The following GRM7 variants were observed in gnomAD, a reference collection of about 807,000 sequenced individuals.
The protein encoded by GRM7 is glutamate metabotropic receptor 7, also known as metabotropic glutamate receptor 7.
GRM7 carries 35 observed loss-of-function variants against 84.5 expected under a neutral mutation model. The observed-to-expected ratio is 0.41, with a 90% CI of 0.32 to 0.55. GRM7 has a LOEUF of 0.55. Ranked by LOEUF, GRM7 falls within the 20% of genes least tolerant of loss-of-function variation. GRM7 has a pLI of 0.19. For synonymous variants in GRM7, 487 were observed against 455.1 expected, an observed-to-expected ratio of 1.07 and a Z score of -0.89; for missense variants, 1,003 against 1,194.6, an observed-to-expected ratio of 0.84 and a Z score of 2.36.
chr3:7,425,270 A>T (rs1158920379), intron 5 of GRM7, among the ~76,000 whole-genome samples: 2 of 152,154 alleles, frequency 1.3e-5, no homozygotes, highest in Non-Finnish European at 2.9e-5. Context: ...TCCTTTCTTG[A>T]AATTAAAATA....
chr3:6,930,135 G>A (rs1697450597), intron 1 of GRM7, among the ~76,000 whole-genome samples: 1 of 152,196 alleles, frequency 6.6e-6, no homozygotes, highest in South Asian at 2.1e-4. Flanking sequence ...AATTGAACAA[G>A]TTCTTTATAT....
intron 8 of GRM7, among the ~76,000 whole-genome samples, chr3:7,600,052 C>G (rs986800601): frequency 6.6e-6 from 1 of 152,112 alleles, no homozygotes; most frequent in Non-Finnish European, 1.5e-5. Flanking sequence ...ACTAAACTGT[C>G]CAAAGATGTT....
chr3:6,926,615 A>G (rs1340990253), intron 1 of GRM7, among the ~76,000 whole-genome samples: 2 of 152,174 alleles, frequency 1.3e-5, no homozygotes, highest in African/African-American at 4.8e-5. Context: ...TGGAAACTGA[A>G]AGGCAGGTGT....
chr3:7,293,081 A>G (rs1699692965), intron 2 of GRM7, among the ~76,000 whole-genome samples: 1 of 152,084 alleles, frequency 6.6e-6, no homozygotes, highest in Non-Finnish European at 1.5e-5. Context: ...GTCTCAATAA[A>G]TATTTGCTAA....
intron 2 of GRM7, among the ~76,000 whole-genome samples, chr3:7,257,561 A>G (rs1698254669): frequency 6.6e-6 from 1 of 152,180 alleles, no homozygotes. Flanking sequence ...TAAGGGCAAA[A>G]CCATGAATAT....
At chr3:7,510,663 G>A (rs150414561) in intron 7 of GRM7, among the ~76,000 whole-genome samples, 1,615 of 152,218 alleles carry the variant, frequency 0.011, 11 homozygotes, top group Middle Eastern at 0.02. Flanking sequence ...TAGCTCTGAG[G>A]TCAGATCAAA....
At chr3:7,032,732 A>G (rs1203172256) in intron 1 of GRM7, among the ~76,000 whole-genome samples, 2 of 152,156 alleles carry the variant, frequency 1.3e-5, no homozygotes, top group Non-Finnish European at 2.9e-5. Context: ...ATTAATTTTT[A>G]CTCAGACCAT....
intron 9 of GRM7, among the ~76,000 whole-genome samples, chr3:7,705,095 A>C (rs1013626888): frequency 1.3e-5 from 2 of 152,024 alleles, no homozygotes; most frequent in Non-Finnish European, 2.9e-5. Context: ...CCTCTAGAGT[A>C]TCTCATATAC....
chr3:7,445,264 G>A (rs1418309399), intron 5 of GRM7, among the ~76,000 whole-genome samples: 2 of 152,152 alleles, frequency 1.3e-5, no homozygotes, highest in African/African-American at 4.8e-5. Context: ...AATTAAAGGA[G>A]GACAAGACTG....
At chr3:7,061,464 G>A (rs1191889083) in intron 1 of GRM7, among the ~76,000 whole-genome samples, 1 of 151,698 alleles carries the variant, frequency 6.6e-6, no homozygotes, top group Non-Finnish European at 1.5e-5. Context: ...AAGCTTCCAT[G>A]GTAGTAAGCT....
intron 7 of GRM7, among the ~76,000 whole-genome samples, chr3:7,529,999 T>G (rs1364470806): frequency 6.6e-6 from 1 of 151,922 alleles, no homozygotes; most frequent in African/African-American, 2.4e-5. Context: ...CGTGCAGGTT[T>G]GTGACATAGG....
At chr3:7,474,904 G>A (rs562617741) in intron 7 of GRM7, among the ~76,000 whole-genome samples, 119 of 152,274 alleles carry the variant, frequency 7.8e-4, no homozygotes, top group African/African-American at 2.6e-3. Context: ...ATAACCAGTC[G>A]TATACTTAGG....
At chr3:7,034,102 G>T (rs969397733) in intron 1 of GRM7, among the ~76,000 whole-genome samples, 1 of 152,102 alleles carries the variant, frequency 6.6e-6, no homozygotes, top group African/African-American at 2.4e-5. Flanking sequence ...TATAGAAATT[G>T]GTCAAGGGTA....
intron 8 of GRM7, chr3:7,636,345 G>T (rs1055246594): frequency 2.2e-6 from 1 of 455,324 alleles, no homozygotes; most frequent in Admixed American, 2.4e-5. Context: ...TGAAGACGGG[G>T]CCTCTGTCCT....
intron 1 of GRM7, among the ~76,000 whole-genome samples, chr3:7,135,751 A>G (rs1376343255): frequency 6.6e-6 from 1 of 152,188 alleles, no homozygotes; most frequent in Non-Finnish European, 1.5e-5. Flanking sequence ...GAGGAATAAT[A>G]CAAAAAGGGA....
intron 1 of GRM7, among the ~76,000 whole-genome samples, chr3:7,069,484 C>A (rs1236418989): frequency 6.6e-6 from 1 of 152,040 alleles, no homozygotes; most frequent in African/African-American, 2.4e-5. Flanking sequence ...TTAAGGCAGT[C>A]CATAGAGGTT....
chr3:7,267,748 G>T (rs899618626), intron 2 of GRM7, among the ~76,000 whole-genome samples: 1 of 152,306 alleles, frequency 6.6e-6, no homozygotes, highest in South Asian at 2.1e-4. Context: ...GATGAGAAAG[G>T]AATCATGAGG....
At chr3:7,443,237 A>C (rs144609739) in intron 5 of GRM7, among the ~76,000 whole-genome samples, 8 of 152,226 alleles carry the variant, frequency 5.3e-5, no homozygotes, top group Admixed American at 2.0e-4. Flanking sequence ...TACCCTATAC[A>C]TATTTTTTTC....
intron 9 of GRM7, among the ~76,000 whole-genome samples, chr3:7,699,839 G>C (rs974778824): frequency 6.6e-6 from 1 of 152,090 alleles, no homozygotes; most frequent in Non-Finnish European, 1.5e-5. Context: ...TCTGATCCCA[G>C]AAGAAGTGAG....
Sources: gnomAD v4.1 joint callset for allele counts (sites outside exome capture counted in the v4.1 genomes callset) on GRCh38, gnomAD v4.1.1 for gene constraint, MANE v1.5 for transcripts, NCBI Gene and HGNC (gene_info 2026-07-23, HGNC 2026-07-21) for gene names.